CBLB: variants seen among roughly 807,000 people sequenced by gnomAD.
CBLB encodes E3 ubiquitin-protein ligase CBL-B.
In CBLB, 31 loss-of-function variants were observed where a neutral mutation model predicts 104.9. The observed-to-expected ratio is 0.30, with a 90% CI of 0.22 to 0.40. The LOEUF is 0.40. CBLB is among the 10% of genes least tolerant of loss of function. CBLB has a pLI of 1.00. For missense variants in CBLB, 1,062 were observed against 1,214.6 expected (o/e 0.87, Z 1.87); for synonymous variants, 440 against 422.6 (o/e 1.04, Z -0.51).
chr3:105,685,288 T>C (rs1266578588), intron 14 of CBLB, 32 bp downstream of exon 14: 3 of 1,582,648 alleles, frequency 1.9e-6, no homozygotes, highest in Non-Finnish European at 2.6e-6. Context: ...CTTATGCAGA[T>C]GTAAGTGGCA....
At chr3:105,763,861 T>C (rs2077935008) in intron 4 of CBLB, among the ~76,000 whole-genome samples, 1 of 152,206 alleles carries the variant, frequency 6.6e-6, no homozygotes, top group Non-Finnish European at 1.5e-5. Flanking sequence ...GTCAAAGGAC[T>C]TTGTTACTCA....
chr3:105,780,813 C>T lies in CBLB; in HGVS notation c.420-4271G>A, dbSNP rs562100416. Among the ~76,000 whole-genome samples the T allele has an allele frequency of 7.8e-4, 118 of 151,828 alleles. 1 individual carries two copies. Among genetic ancestry groups the T allele is most frequent in the African/African-American group, 2.1e-3 (85 of 41,452 alleles). ...GAGTAGCTGGGACTACAGGCGCCCG[C>T]CACCATGCCCAGCTAATTTTTTGTA... On this transcript the variant is annotated intron_variant, in intron 3 of 18. Coordinates refer to ENST00000394030, the MANE Select transcript of CBLB (RefSeq NM_170662.5).
chr3:105,685,379 G>T lies in CBLB; in HGVS notation c.2142C>A (p.Ser714=). Residue 714 remains serine (S), a synonymous_variant, in exon 14 of 19, where the codon TCC becomes TCA. Coordinates refer to ENST00000394030, the MANE Select transcript of CBLB (RefSeq NM_170662.5). ...GTTGTGAATTCAGGGAAACAGGGTG[G>T]GATGAAGGAATCTTGTATTCATCAT... The part of the protein sequence containing the change: ...EDDDEYKIPS[S]HPVSLNSQPS... 1 of 1,612,444 alleles carries T rather than the reference G, an allele frequency of 6.2e-7. No individual in the cohort carries two copies. Among genetic ancestry groups the T allele is most frequent in the Non-Finnish European group, 8.5e-7 (1 of 1,178,620 alleles).
In CBLB at chr3:105,702,318, C is replaced by T. The variant is rs1467429414; in HGVS notation, c.1735G>A (p.Glu579Lys). The T allele has an allele frequency of 6.2e-7, 1 of 1,613,782 alleles. No individual in the cohort carries two copies. Among genetic ancestry groups the T allele is most frequent in the Non-Finnish European group, 8.5e-7 (1 of 1,179,936 alleles). Residue 579 changes from glutamate (E) to lysine (K), a missense_variant, in exon 12 of 19, where the codon GAA becomes AAA. Glu to Lys is a moderately conservative substitution (Grantham distance 56). Coordinates refer to ENST00000394030, the MANE Select transcript of CBLB (RefSeq NM_170662.5). ...NRLSRHIHHV[E>K]SVPSRDPPMP... The stretch of plus-strand genomic sequence containing the variant: ...GGCGGGTCTCTGGAAGGCACGCTTT[C>T]CACATGATGGATGTGTCTACTCAGT...
At chr3:105,758,414 T>G (rs990367921) in intron 4 of CBLB, among the ~76,000 whole-genome samples, 2 of 152,138 alleles carry the variant, frequency 1.3e-5, no homozygotes, top group African/African-American at 2.4e-5. Flanking sequence ...CATAACACTT[T>G]GTCTCTAGTG....
rs764037213 is a variant in CBLB at position 105,666,742 on chromosome 3, TA to T, written c.2689+3490del. Among the ~76,000 whole-genome samples the T allele has an allele frequency of 3.9e-5, 6 of 152,064 alleles. No individual in the cohort carries two copies. The East Asian group carries it at 9.7e-4, about 25-fold the overall frequency. ...ATGATTTAATAAACTAAATTACAAA[TA>T]AAAAAATCTTCACATACACTGTTTT... On this transcript the variant is annotated intron_variant, in intron 18 of 18. Coordinates refer to ENST00000394030, the MANE Select transcript of CBLB (RefSeq NM_170662.5).
At chr3:105,665,519 T>C (rs1431516154) in intron 18 of CBLB, among the ~76,000 whole-genome samples, 1 of 146,686 alleles carries the variant, frequency 6.8e-6, no homozygotes, top group East Asian at 1.9e-4. Flanking sequence ...TAAAATTATA[T>C]CTATTTCTAT....
intron 2 of CBLB, among the ~76,000 whole-genome samples, chr3:105,865,577 CCAT>C (rs2092379338): frequency 6.6e-6 from 1 of 152,260 alleles, no homozygotes; most frequent in East Asian, 1.9e-4. Context: ...ATCTATTTTA[CCAT>C]AACTCATGGT....
At chr3:105,665,428 TATATATATATATATAC>T (rs1451124630) in intron 18 of CBLB, among the ~76,000 whole-genome samples, 3 of 128,102 alleles carry the variant, frequency 2.3e-5, no homozygotes, top group African/African-American at 9.7e-5. Context: ...TATATATATA[TATATATATATATATAC>T]ACACACACAC....
chr3:105,672,815 T>A (rs182168586), intron 17 of CBLB: 34 of 152,186 alleles, frequency 2.2e-4, no homozygotes, highest in Non-Finnish European at 4.6e-4. Context: ...AGGAAATGGT[T>A]TGCTACTTAA....
At chr3:105,735,709 G>C (rs992749225) in intron 8 of CBLB, among the ~76,000 whole-genome samples, 3 of 152,164 alleles carry the variant, frequency 2.0e-5, no homozygotes, top group African/African-American at 7.2e-5. Flanking sequence ...CCAGCACTTT[G>C]GGAGGGCGAG....
intron 2 of CBLB, among the ~76,000 whole-genome samples, chr3:105,856,303 T>G (rs898876975): frequency 3.2e-5 from 4 of 126,610 alleles, no homozygotes; most frequent in Non-Finnish European, 6.2e-5. Flanking sequence ...TGAGCTGAGA[T>G]CACATCACTG....
intron 10 of CBLB, among the ~76,000 whole-genome samples, chr3:105,713,024 C>G (rs998914718): frequency 6.6e-6 from 1 of 152,042 alleles, no homozygotes; most frequent in East Asian, 1.9e-4. Flanking sequence ...AATCCTGGCA[C>G]TTTGGGAGGC....
At chr3:105,690,879 C>A (rs1021179926) in intron 13 of CBLB, among the ~76,000 whole-genome samples, 1 of 151,238 alleles carries the variant, frequency 6.6e-6, no homozygotes, top group Non-Finnish European at 1.5e-5. Flanking sequence ...GGTACACAGT[C>A]TGATTTTATT....
At chr3:105,727,522 C>A (rs552859453) in intron 9 of CBLB, among the ~76,000 whole-genome samples, 1 of 152,190 alleles carries the variant, frequency 6.6e-6, no homozygotes, top group Admixed American at 6.5e-5. Flanking sequence ...ACGACAGTTT[C>A]TTTTGCTGTA....
At chr3:105,858,051 A>G (rs2091779104) in intron 2 of CBLB, among the ~76,000 whole-genome samples, 1 of 152,220 alleles carries the variant, frequency 6.6e-6, no homozygotes, top group South Asian at 2.1e-4. Context: ...CAGTTATTCT[A>G]AAAGATCAGA....
intron 9 of CBLB, among the ~76,000 whole-genome samples, chr3:105,729,562 G>A (rs181836060): frequency 4.6e-5 from 7 of 152,024 alleles, no homozygotes; most frequent in South Asian, 2.1e-4. Context: ...CAAGAGAGAC[G>A]TAAGTTATTT....
chr3:105,765,808 C>T (rs763736049), intron 4 of CBLB, among the ~76,000 whole-genome samples: 4 of 152,142 alleles, frequency 2.6e-5, no homozygotes, highest in African/African-American at 4.8e-5. Flanking sequence ...TGGAGATGTA[C>T]GAGGAGATTA....
chr3:105,740,925 T>C (rs2075462174), intron 6 of CBLB, among the ~76,000 whole-genome samples: 1 of 152,064 alleles, frequency 6.6e-6, no homozygotes, highest in Non-Finnish European at 1.5e-5. Flanking sequence ...ATGCGGTGTA[T>C]GGAAATGCTG....
Sources: gnomAD v4.1 joint callset for allele counts (sites outside exome capture counted in the v4.1 genomes callset) on GRCh38, gnomAD v4.1.1 for gene constraint, MANE v1.5 for transcripts, NCBI Gene and HGNC (gene_info 2026-07-23, HGNC 2026-07-21) for gene names.